Variants in CUX1 observed in about 807,000 individuals in gnomAD.
CUX1 encodes the protein cut like homeobox 1, also known as protein CASP.
CUX1 carries 31 observed loss-of-function variants against 158.8 expected under a neutral mutation model. The observed-to-expected ratio is 0.20, with a 90% CI of 0.15 to 0.26. The LOEUF is 0.26. CUX1 is among the 10% of genes least tolerant of loss of function. CUX1 has a pLI of 1.00. For missense variants in CUX1, 1,589 were observed against 2,014.6 expected (o/e 0.79, Z 4.04); for synonymous variants, 879 against 862.1 (o/e 1.02, Z -0.34).
At chr7:102,127,043 G>A (rs1305245483) in intron 8 of CUX1, among the ~76,000 whole-genome samples, 2 of 152,136 alleles carry the variant, frequency 1.3e-5, no homozygotes, top group African/African-American at 2.4e-5. Flanking sequence ...CTCATCTGAC[G>A]GGAGGCAGAG....
intron 3 of CUX1, among the ~76,000 whole-genome samples, chr7:102,033,554 A>T (rs1229561714): frequency 1.3e-5 from 2 of 152,232 alleles, no homozygotes; most frequent in Admixed American, 6.5e-5. Flanking sequence ...TGTTATAAGC[A>T]ACTTTCTGCC....
At chr7:102,189,765 G>T (rs368744683) in intron 11 of CUX1, 48 bp from the exon 12 acceptor site, 1 of 1,602,838 alleles carries the variant, frequency 6.2e-7, no homozygotes, top group Non-Finnish European at 8.5e-7. Context: ...GAAGTCCGTC[G>T]ACCTGTTGTC....
chr7:101,953,629 A>G (rs1470175103), intron 2 of CUX1, among the ~76,000 whole-genome samples: 1 of 152,194 alleles, frequency 6.6e-6, no homozygotes, highest in East Asian at 1.9e-4. Flanking sequence ...AAGCTGGCTT[A>G]TTAAAGGCGG....
chr7:101,981,217 C>T (rs550587573), intron 2 of CUX1, among the ~76,000 whole-genome samples: 2 of 152,154 alleles, frequency 1.3e-5, no homozygotes, highest in Admixed American at 6.5e-5. Flanking sequence ...CCTATACACA[C>T]GCCTCACTTT....
intron 14 of CUX1, among the ~76,000 whole-genome samples, chr7:102,265,246 C>T (rs1263525808): frequency 6.6e-6 from 1 of 151,568 alleles, no homozygotes; most frequent in Non-Finnish European, 1.5e-5. Context: ...ATCCCAGCTA[C>T]TTGGGAGGCT....
intron 2 of CUX1, among the ~76,000 whole-genome samples, chr7:101,998,265 C>T (rs923426755): frequency 2.0e-4 from 31 of 152,166 alleles, no homozygotes; most frequent in African/African-American, 5.1e-4. Context: ...GTGTGCAGCA[C>T]GGATTGTAGG....
At chr7:101,845,123 A>C (rs1433878041) in intron 1 of CUX1, among the ~76,000 whole-genome samples, 1 of 151,702 alleles carries the variant, frequency 6.6e-6, no homozygotes, top group Admixed American at 6.6e-5. Context: ...TACAGGTGTC[A>C]ACCCTTCTTC....
chr7:101,834,755 T>G (rs1721098849), intron 1 of CUX1, among the ~76,000 whole-genome samples: 1 of 152,068 alleles, frequency 6.6e-6, no homozygotes, highest in African/African-American at 2.4e-5. Flanking sequence ...TCCCAGCACT[T>G]TGGGATGCTG....
chr7:101,989,829 C>T (rs1814868075), intron 2 of CUX1, among the ~76,000 whole-genome samples: 1 of 152,168 alleles, frequency 6.6e-6, no homozygotes, highest in African/African-American at 2.4e-5. Flanking sequence ...CTGGGTTAGC[C>T]TCATGGACAA....
chr7:102,047,319 A>ATGGATAGATGAT (rs1822928591), intron 3 of CUX1, among the ~76,000 whole-genome samples: 1 of 151,864 alleles, frequency 6.6e-6, no homozygotes, highest in South Asian at 2.1e-4. Flanking sequence ...ATAAATGGGA[A>ATGGATAGATGAT]TGGATAGATG....
At chr7:101,972,974 G>A (rs1455134038) in intron 2 of CUX1, among the ~76,000 whole-genome samples, 1 of 152,224 alleles carries the variant, frequency 6.6e-6, no homozygotes, top group Non-Finnish European at 1.5e-5. Context: ...TTACTGACCA[G>A]TGCAGCCAGC....
intron 2 of CUX1, among the ~76,000 whole-genome samples, chr7:102,006,313 G>A (rs1817371345): frequency 6.6e-6 from 1 of 152,186 alleles, no homozygotes; most frequent in Admixed American, 6.5e-5. Flanking sequence ...GCTCTCTGCT[G>A]ACCACGCCTC....
At chr7:102,019,812 G>A (rs1253805324) in intron 2 of CUX1, among the ~76,000 whole-genome samples, 1 of 152,178 alleles carries the variant, frequency 6.6e-6, no homozygotes, top group Non-Finnish European at 1.5e-5. Context: ...ATTATAGCAG[G>A]AGTGAGTTTA....
At chr7:101,857,335 T>C (rs1175472047) in intron 1 of CUX1, among the ~76,000 whole-genome samples, 1 of 152,136 alleles carries the variant, frequency 6.6e-6, no homozygotes, top group Non-Finnish European at 1.5e-5. Context: ...AACTATTTTC[T>C]TCTTCAGGAG....
chr7:101,913,396 C>T, intron 1 of CUX1: 1 of 1,263,874 alleles, frequency 7.9e-7, no homozygotes, highest in Non-Finnish European at 1.0e-6. Flanking sequence ...CTGCCAGCAG[C>T]AAGTTGCCGC....
intron 2 of CUX1, among the ~76,000 whole-genome samples, chr7:101,947,571 G>A (rs1230412039): frequency 1.3e-5 from 2 of 152,124 alleles, no homozygotes; most frequent in African/African-American, 4.8e-5. Context: ...TAGACATGGG[G>A]ATGAAATGAA....
chr7:102,018,836 C>G (rs868340387), intron 2 of CUX1, among the ~76,000 whole-genome samples: 1 of 152,174 alleles, frequency 6.6e-6, no homozygotes, highest in Non-Finnish European at 1.5e-5. Flanking sequence ...ACACACGAGC[C>G]GCTGGTGTCA....
chr7:101,940,530 G>A (rs1000757611), intron 2 of CUX1, among the ~76,000 whole-genome samples: 20 of 151,896 alleles, frequency 1.3e-4, no homozygotes, highest in Non-Finnish European at 1.0e-4. Flanking sequence ...AATTAAAGAC[G>A]CTCTTCTAGT....
chr7:102,213,455 G>A (rs1586247686), intron 20 of CUX1, among the ~76,000 whole-genome samples: 1 of 152,206 alleles, frequency 6.6e-6, no homozygotes, highest in African/African-American at 2.4e-5. Context: ...GACACAGCCG[G>A]CGAGGCTGAG....
Sources: allele counts gnomAD v4.1 joint callset (sites outside exome capture counted in the v4.1 genomes callset), GRCh38; gene constraint gnomAD v4.1.1; transcripts MANE v1.5; gene names NCBI Gene and HGNC (gene_info 2026-07-23, HGNC 2026-07-21).